GALM: variants seen among roughly 807,000 people sequenced by gnomAD.
GALM encodes aldose 1-epimerase.
GALM carries 43 observed loss-of-function variants against 37.4 expected under a neutral mutation model. The ratio of observed to expected loss-of-function variants is 1.15; its 90% CI spans 0.90 to 1.48. The LOEUF (loss-of-function observed/expected upper bound fraction) is 1.48, where lower values mean the gene tolerates loss of function less well. GALM is among the 40% of genes most tolerant of loss of function. The pLI is 0.00. For synonymous variants in GALM, 199 were observed against 170.6 expected (o/e 1.17, Z -1.30); for missense variants, 456 against 419.1 (o/e 1.09, Z -0.77).
At chr2:38,722,421 G>T (rs1666403885) in intron 4 of GALM, among the ~76,000 whole-genome samples, 1 of 152,178 alleles carries the variant, frequency 6.6e-6, no homozygotes. Flanking sequence ...GGCATGGGCT[G>T]CTCCTCTGGC....
intron 4 of GALM, among the ~76,000 whole-genome samples, chr2:38,715,730 G>T (rs1666257822): frequency 6.6e-6 from 1 of 152,174 alleles, no homozygotes; most frequent in Admixed American, 6.5e-5. Context: ...ACCGTGTCCG[G>T]CCTGCAATCG....
chr2:38,717,300 TAAGG>T lies in GALM; in HGVS notation c.635-12255_635-12252del, dbSNP rs1477959399. 4.2e-3 allele frequency among the ~76,000 whole-genome samples: 534 copies of T among 128,400 alleles called. 2 individuals carry two copies. Among genetic ancestry groups the T allele is most frequent in the African/African-American group, 0.016 (509 of 31,806 alleles). 84.2% of individuals were successfully genotyped at this position (128,400 alleles called of 152,430 possible). A position where few individuals can be genotyped will look rare whatever the true frequency, so the allele number is the denominator to read the frequency against. ...TGTGATTAATACCTGGTCTCTGTAT[TAAGG>T]GAGTGTGTGTGTGTGTGTGTGTGTG... On this transcript the variant is annotated intron_variant, in intron 4 of 6. Transcript: ENST00000272252.
intron 3 of GALM, among the ~76,000 whole-genome samples, 175 bp from the exon 4 acceptor site, chr2:38,689,638 A>G (rs1199035438): frequency 6.6e-6 from 1 of 152,206 alleles, no homozygotes; most frequent in Non-Finnish European, 1.5e-5. Flanking sequence ...ATCTGTTGCT[A>G]TTTTGAGGCC....
chr2:38,683,338 C>T (rs77958331), intron 3 of GALM, among the ~76,000 whole-genome samples: 379 of 152,280 alleles, frequency 2.5e-3, no homozygotes, highest in African/African-American at 8.6e-3. Flanking sequence ...GGTCAATGAA[C>T]TTCCTTCCGT....
chr2:38,733,546 T>A lies in GALM; in HGVS notation c.1010T>A (p.Phe337Tyr), dbSNP rs374312709. The A allele has an allele frequency of 6.2e-7, 1 of 1,613,766 alleles. No individual in the cohort carries two copies. The highest frequency in any genetic ancestry group is 8.5e-7 in the Non-Finnish European group (1 of 1,179,804). Residue 337 changes from phenylalanine to tyrosine, a missense_variant, in exon 7 of 7, where the codon TTC (phenylalanine) becomes TAC (tyrosine). Coordinates refer to ENST00000272252, the MANE Select transcript of GALM (RefSeq NM_138801.3). ...GAGGAGTATGACCACACCACCTGGTTCAAGTTTTCTGTGGCTTAAGGAAGT... is the reference window on the plus strand; with the variant it reads ...GAGGAGTATGACCACACCACCTGGTACAAGTTTTCTGTGGCTTAAGGAAGT... Reference protein sequence around the residue: ...PGEEYDHTTWFKFSVA With the variant: ...PGEEYDHTTWYKFSVA
At chr2:38,705,993 G>A (rs1370809567) in intron 4 of GALM, among the ~76,000 whole-genome samples, 2 of 151,800 alleles carry the variant, frequency 1.3e-5, no homozygotes, top group Admixed American at 6.6e-5. Context: ...GATTACAGGC[G>A]TGCACCACCA....
chr2:38,696,821 G>T (rs1412635432), intron 4 of GALM, among the ~76,000 whole-genome samples: 2 of 105,302 alleles, frequency 1.9e-5, no homozygotes, highest in Non-Finnish European at 3.5e-5. Context: ...ACAGAGTCTT[G>T]CTCTGTCAAC....
At chr2:38,730,467 A>G (rs989604186) in intron 5 of GALM, among the ~76,000 whole-genome samples, 1 of 152,098 alleles carries the variant, frequency 6.6e-6, no homozygotes, top group African/African-American at 2.4e-5. Flanking sequence ...GGGTTTCACA[A>G]TGTTGGTCAG....
chr2:38,731,128 G>C (rs755871155), intron 5 of GALM, among the ~76,000 whole-genome samples: 1 of 152,112 alleles, frequency 6.6e-6, no homozygotes, highest in Non-Finnish European at 1.5e-5. Flanking sequence ...TCTAGAGGCT[G>C]AGGCAGGAGA....
chr2:38,728,839 G>C (rs966653610), intron 4 of GALM, among the ~76,000 whole-genome samples: 11 of 145,470 alleles, frequency 7.6e-5, no homozygotes, highest in African/African-American at 2.5e-4. Flanking sequence ...CTTGGTACAA[G>C]GTTCTAGCAC....
rs757961627 is a variant in GALM at position 38,701,462 on chromosome 2, TTC to T, written c.634+11570_634+11571del. 5.8e-4 allele frequency among the ~76,000 whole-genome samples: 89 copies of T among 152,332 alleles called. 1 individual carries two copies. The highest frequency in any genetic ancestry group is 1.0e-3 in the South Asian group (5 of 4,824). On this transcript the variant is annotated intron_variant, in intron 4 of 6. Coordinates refer to ENST00000272252, the MANE Select transcript of GALM (RefSeq NM_138801.3). ...AAAGTAGCATTAGTAAAATCCCCTC[TTC>T]TTTTTTATTCTTATAAAATTTACCC...
At chr2:38,726,891 T>A (rs1275743564) in intron 4 of GALM, among the ~76,000 whole-genome samples, 4 of 15,454 alleles carry the variant, frequency 2.6e-4, no homozygotes, top group Non-Finnish European at 4.7e-4. Flanking sequence ...AGCAAAACTC[T>A]GTCTTAAAAA....
chr2:38,675,774 T>A (rs2148426732), intron 1 of GALM, 138 bp from the exon 2 acceptor site: 1 of 751,686 alleles, frequency 1.3e-6, no homozygotes, highest in Admixed American at 2.3e-5. Flanking sequence ...TTTCACCGTG[T>A]TAGCCAGGAT....
At chr2:38,686,439 G>A (rs186164792) in intron 3 of GALM, among the ~76,000 whole-genome samples, 1,705 of 151,688 alleles carry the variant, frequency 0.011, 18 homozygotes, top group South Asian at 0.026. Flanking sequence ...CTACTTTTTT[G>A]TATTTTTAGT....
intron 4 of GALM, among the ~76,000 whole-genome samples, chr2:38,697,637 T>C (rs1190342902): frequency 1.3e-5 from 2 of 152,182 alleles, no homozygotes; most frequent in East Asian, 3.8e-4. Flanking sequence ...GCAGTAACTG[T>C]TAAAATTGTG....
At chr2:38,708,094 G>A (rs34460712) in intron 4 of GALM, among the ~76,000 whole-genome samples, 11,472 of 146,724 alleles carry the variant, frequency 0.078, 727 homozygotes, top group East Asian at 0.33. Flanking sequence ...GCAACAGAGT[G>A]AGAAACTGTA....
chr2:38,698,503 C>A, intron 4 of GALM: 14 of 703,178 alleles, frequency 2.0e-5, no homozygotes, highest in Non-Finnish European at 2.5e-5. Flanking sequence ...AGCAATTATT[C>A]TTAGCTACTT....
rs747890608 is a variant in GALM, at chr2:38,681,504, T to C, written c.552+18T>C. On this transcript the variant is annotated intron_variant, in intron 3 of 6. Transcript: ENST00000272252. ...CAGGCCAGGTAAGTGAACTTGTTTC[T>C]TCTTTCCTGCTTCGTGCTTTGTGGA... 5 of 1,595,268 alleles carry C rather than the reference T, an allele frequency of 3.1e-6. No individual in the cohort carries two copies. In the East Asian group the frequency reaches 8.9e-5, roughly 28 times the overall value.
At chr2:38,696,631 A>G (rs1313217624) in intron 4 of GALM, among the ~76,000 whole-genome samples, 1 of 150,358 alleles carries the variant, frequency 6.7e-6, no homozygotes, top group Non-Finnish European at 1.5e-5. Flanking sequence ...ATGTCTCAAC[A>G]TGGATTTTTT....
Sources: allele counts gnomAD v4.1 joint callset (sites outside exome capture counted in the v4.1 genomes callset), GRCh38; gene constraint gnomAD v4.1.1; transcripts MANE v1.5; gene names NCBI Gene and HGNC (gene_info 2026-07-23, HGNC 2026-07-21).